ZNF532: variants seen among roughly 807,000 people sequenced by gnomAD.
The protein encoded by ZNF532 is zinc finger protein 532.
ZNF532 carries 22 observed loss-of-function variants against 89.3 expected under a neutral mutation model. The ratio of observed to expected loss-of-function variants is 0.25; its 90% CI spans 0.18 to 0.35. ZNF532 has a LOEUF of 0.35. Among genes scored for constraint, ZNF532 ranks in the 10% least tolerant of loss-of-function variants. ZNF532 has a pLI of 1.00. For missense variants in ZNF532, 1,132 were observed against 1,643.4 expected (o/e 0.69, Z 5.38); for synonymous variants, 606 against 649.6 (o/e 0.93, Z 1.02).
intron 2 of ZNF532, among the ~76,000 whole-genome samples, chr18:58,885,290 G>C (rs1378047684): frequency 1.3e-5 from 2 of 152,046 alleles, no homozygotes; most frequent in African/African-American, 4.8e-5. Flanking sequence ...CGCTCAGCTG[G>C]GTGTTTTTTT....
intron 2 of ZNF532, among the ~76,000 whole-genome samples, chr18:58,917,484 C>G (rs1472141318): frequency 2.6e-5 from 4 of 152,144 alleles, no homozygotes; most frequent in Admixed American, 6.5e-5. Flanking sequence ...TTTATCTCCC[C>G]TGACAATCAC....
chr18:58,969,381 T>A (rs1472355862), intron 7 of ZNF532, among the ~76,000 whole-genome samples: 1 of 152,156 alleles, frequency 6.6e-6, no homozygotes, highest in African/African-American at 2.4e-5. Context: ...TACCCTTTCT[T>A]CATGTCTCCT....
intron 2 of ZNF532, among the ~76,000 whole-genome samples, chr18:58,893,972 T>C (rs2059084792): frequency 6.6e-6 from 1 of 152,120 alleles, no homozygotes; most frequent in East Asian, 1.9e-4. Context: ...GGTAGTGAGA[T>C]AGAAGAACCA....
chr18:58,911,077 G>GGATT (rs1239261304), intron 2 of ZNF532, among the ~76,000 whole-genome samples: 1 of 152,154 alleles, frequency 6.6e-6, no homozygotes, highest in African/African-American at 2.4e-5. Context: ...TTGAGAGAGT[G>GGATT]GATTGTCAGA....
intron 2 of ZNF532, among the ~76,000 whole-genome samples, chr18:58,874,588 G>A (rs1289096972): frequency 6.6e-6 from 1 of 152,056 alleles, no homozygotes; most frequent in Non-Finnish European, 1.5e-5. Context: ...CGATCCACCC[G>A]CCTTGGCCTC....
chr18:58,960,651 C>A (rs1036778309), intron 7 of ZNF532, among the ~76,000 whole-genome samples: 1 of 152,186 alleles, frequency 6.6e-6, no homozygotes, highest in Non-Finnish European at 1.5e-5. Flanking sequence ...ACCCTCTAGA[C>A]AGAAACTGGG....
intron 6 of ZNF532, 24 bp from the exon 7 acceptor site, chr18:58,953,494 A>G: frequency 6.3e-7 from 1 of 1,585,338 alleles, no homozygotes; most frequent in Non-Finnish European, 8.6e-7. Flanking sequence ...TGTGATAGAT[A>G]TTTCTTTTCT....
chr18:58,907,526 C>T (rs2060009002), intron 2 of ZNF532, among the ~76,000 whole-genome samples: 1 of 151,712 alleles, frequency 6.6e-6, no homozygotes, highest in African/African-American at 2.4e-5. Flanking sequence ...TGGAGTTTCA[C>T]TCTTGTTGCC....
At chr18:58,983,200 G>C (rs2068028432) in intron 9 of ZNF532, among the ~76,000 whole-genome samples, 1 of 152,202 alleles carries the variant, frequency 6.6e-6, no homozygotes, top group African/African-American at 2.4e-5. Context: ...CTGGGGCACA[G>C]AGTGCGGAGA....
At chr18:58,974,107 A>G (rs990809193) in intron 7 of ZNF532, among the ~76,000 whole-genome samples, 2 of 152,186 alleles carry the variant, frequency 1.3e-5, no homozygotes, top group African/African-American at 4.8e-5. Context: ...TTTATAAACT[A>G]TATCTCAATA....
chr18:58,940,961 CTTT>C (rs1568376779), intron 5 of ZNF532, among the ~76,000 whole-genome samples: 14 of 140,180 alleles, frequency 1.0e-4, no homozygotes, highest in Admixed American at 2.8e-4. Flanking sequence ...CACACACACT[CTTT>C]CTCTCTCTCT....
intron 5 of ZNF532, among the ~76,000 whole-genome samples, chr18:58,942,361 T>TCCCTCCCTC (rs1568383594): frequency 3.6e-5 from 2 of 55,810 alleles, no homozygotes; most frequent in Non-Finnish European, 6.0e-5. Context: ...CTTCCTTCCT[T>TCCCTCCCTC]CCTTCCTTCC....
Position 58,900,119 on chromosome 18 carries a change from A to G in ZNF532, c.-17-18152A>G, listed in dbSNP as rs2059506431. 1.3e-5 allele frequency among the ~76,000 whole-genome samples: 2 copies of G among 151,980 alleles called. 1 individual carries two copies. Among genetic ancestry groups the G allele is most frequent in the African/African-American group, 4.8e-5 (2 of 41,350 alleles). ...CCATGCATCTGGTGATTGTTTAGGG[A>G]TGAGGCTGTGGAGAGCTGCCCGGGA... On this transcript the variant is annotated intron_variant, in intron 2 of 9. Coordinates refer to ENST00000591808, the MANE Select transcript of ZNF532 (RefSeq NM_001375912.1).
At chr18:58,875,491 CCTT>C (rs755494383) in intron 2 of ZNF532, among the ~76,000 whole-genome samples, 9 of 152,174 alleles carry the variant, frequency 5.9e-5, no homozygotes, top group Non-Finnish European at 1.0e-4. Flanking sequence ...TTGAGTCTCT[CCTT>C]CTGTTAACAA....
chr18:58,911,528 A>G (rs1165141251), intron 2 of ZNF532, among the ~76,000 whole-genome samples: 1 of 152,200 alleles, frequency 6.6e-6, no homozygotes, highest in Non-Finnish European at 1.5e-5. Context: ...GTTTGAGACC[A>G]GTCTGGGTGA....
Position 58,888,787 on chromosome 18 carries a change from A to AATTAATATATATAATTTAT in ZNF532, c.-18+23210_-18+23211insTAATATATATAATTTATAT, listed in dbSNP as rs1568246610. On this transcript the variant is annotated intron_variant, in intron 2 of 9. Coordinates refer to ENST00000591808, the MANE Select transcript of ZNF532 (RefSeq NM_001375912.1). ...ATATATATAATTTATATATATATAA[A>AATTAATATATATAATTTAT]ATATATATAATTTATATATATAAAA... Among the ~76,000 whole-genome samples, 2 of 8,152 alleles carry AATTAATATATATAATTTAT rather than the reference A, an allele frequency of 2.5e-4. 1 individual carries two copies. The highest frequency in any genetic ancestry group is 4.8e-4 in the Non-Finnish European group (2 of 4,146). 5.3% of individuals were successfully genotyped at this position (8,152 alleles called of 152,430 possible).
intron 7 of ZNF532, chr18:58,964,167 A>G (rs1208056152): frequency 6.6e-6 from 1 of 152,232 alleles, no homozygotes; most frequent in Non-Finnish European, 1.5e-5. Flanking sequence ...ATGTAGGGAT[A>G]TAATAGATTT....
chr18:58,876,685 T>C (rs745487816), intron 2 of ZNF532, among the ~76,000 whole-genome samples: 16 of 152,202 alleles, frequency 1.1e-4, no homozygotes, highest in Admixed American at 5.9e-4. Flanking sequence ...AATTTTAATA[T>C]TGTGATTGCA....
intron 2 of ZNF532, among the ~76,000 whole-genome samples, chr18:58,899,466 A>G: frequency 6.6e-6 from 1 of 151,620 alleles, no homozygotes; most frequent in Non-Finnish European, 1.5e-5. Flanking sequence ...ACTTAATTTT[A>G]TTTATTTATT....
Sources: allele counts gnomAD v4.1 joint callset (sites outside exome capture counted in the v4.1 genomes callset), GRCh38; gene constraint gnomAD v4.1.1; transcripts MANE v1.5; gene names NCBI Gene and HGNC (gene_info 2026-07-23, HGNC 2026-07-21).